IGF2BP3: variants seen among roughly 807,000 people sequenced by gnomAD.
IGF2BP3 encodes insulin-like growth factor 2 mRNA-binding protein 3.
A neutral mutation model predicts 73.8 loss-of-function variants in IGF2BP3; 9 were observed. The ratio of observed to expected loss-of-function variants is 0.12; its 90% CI spans 0.07 to 0.21. The LOEUF (loss-of-function observed/expected upper bound fraction) is 0.21. IGF2BP3 is among the 10% of genes least tolerant of loss of function. The pLI is 1.00. For missense variants in IGF2BP3, 542 were observed against 714.0 expected (o/e 0.76, Z 2.75); for synonymous variants, 258 against 256.7 (o/e 1.01, Z -0.05).
intron 11 of IGF2BP3, 42 bp from the exon 12 acceptor site, chr7:23,317,755 CACTG>C: frequency 6.6e-7 from 1 of 1,515,480 alleles, no homozygotes; most frequent in Non-Finnish European, 9.2e-7. Flanking sequence ...TTTCAGGTAT[CACTG>C]ATAGGCATCT....
chr7:23,368,224 A>C (rs997523729), intron 3 of IGF2BP3, among the ~76,000 whole-genome samples: 7 of 152,114 alleles, frequency 4.6e-5, no homozygotes, highest in Non-Finnish European at 8.8e-5. Context: ...ATTCAACCAT[A>C]AAAGGGAGGT....
intron 3 of IGF2BP3, among the ~76,000 whole-genome samples, chr7:23,395,232 T>C (rs560841366): frequency 6.6e-6 from 1 of 152,206 alleles, no homozygotes; most frequent in South Asian, 2.1e-4. Flanking sequence ...AGTATTATGA[T>C]CAACTACTAT....
intron 12 of IGF2BP3, among the ~76,000 whole-genome samples, chr7:23,317,371 A>C (rs1223540401): frequency 6.6e-6 from 1 of 152,244 alleles, no homozygotes; most frequent in Non-Finnish European, 1.5e-5. Context: ...GTAAATTTTA[A>C]GGTCTCACCT....
At chr7:23,378,122 T>A (rs1366522719) in intron 3 of IGF2BP3, among the ~76,000 whole-genome samples, 1 of 152,118 alleles carries the variant, frequency 6.6e-6, no homozygotes, top group Non-Finnish European at 1.5e-5. Context: ...GTTCGATTTT[T>A]AAAAAAATTA....
chr7:23,331,985 GGAGA>G (rs1016971197), intron 10 of IGF2BP3, among the ~76,000 whole-genome samples: 1 of 151,820 alleles, frequency 6.6e-6, no homozygotes, highest in Non-Finnish European at 1.5e-5. Flanking sequence ...GCGGCAGGAG[GGAGA>G]GAGAGAGAGT....
intron 2 of IGF2BP3, among the ~76,000 whole-genome samples, chr7:23,429,109 G>T (rs774828466): frequency 2.6e-5 from 4 of 152,150 alleles, no homozygotes; most frequent in Non-Finnish European, 5.9e-5. Flanking sequence ...ACTACAATCT[G>T]GTCACTAGAG....
chr7:23,319,336 C>T (rs1784074824), intron 10 of IGF2BP3, 82 bp from the exon 11 acceptor site: 2 of 840,844 alleles, frequency 2.4e-6, no homozygotes, highest in Non-Finnish European at 1.9e-6. Context: ...GGAAGGACAC[C>T]TTCTCATGCA....
At chr7:23,330,309 A>G (rs9718991) in intron 10 of IGF2BP3, among the ~76,000 whole-genome samples, 1 of 148,798 alleles carries the variant, frequency 6.7e-6, no homozygotes, top group Non-Finnish European at 1.5e-5. Flanking sequence ...AAAATAATGT[A>G]TAATATTTAT....
chr7:23,331,213 G>T (rs966037167), intron 10 of IGF2BP3, among the ~76,000 whole-genome samples: 8 of 152,190 alleles, frequency 5.3e-5, no homozygotes, highest in African/African-American at 1.9e-4. Flanking sequence ...TTGGGACCAT[G>T]ATGATTTGGA....
At chr7:23,464,512 G>GT (rs746995283) in intron 2 of IGF2BP3, among the ~76,000 whole-genome samples, 38 of 151,838 alleles carry the variant, frequency 2.5e-4, no homozygotes, top group Non-Finnish European at 4.6e-4. Context: ...ACCACAGTCT[G>GT]TTTTAAAAGA....
At chr7:23,451,959 A>G (rs1788209369) in intron 2 of IGF2BP3, among the ~76,000 whole-genome samples, 1 of 150,344 alleles carries the variant, frequency 6.7e-6, no homozygotes, top group African/African-American at 2.4e-5. Flanking sequence ...AAAAAGGAAT[A>G]TATGGTTAGA....
intron 2 of IGF2BP3, among the ~76,000 whole-genome samples, chr7:23,453,800 G>A (rs190993227): frequency 1.8e-4 from 27 of 152,130 alleles, no homozygotes; most frequent in Admixed American, 3.3e-4. Context: ...TGTCATTATC[G>A]TTGGCACTTC....
intron 2 of IGF2BP3, among the ~76,000 whole-genome samples, chr7:23,464,689 A>T (rs11769151): frequency 0.18 from 27,758 of 150,712 alleles, 2,785 homozygotes; most frequent in South Asian, 0.26. Flanking sequence ...ATCTTAAAAA[A>T]AAATAAATAA....
chr7:23,317,758 T>G, intron 11 of IGF2BP3, 45 bp from the exon 12 acceptor site: 1 of 1,490,828 alleles, frequency 6.7e-7, no homozygotes, highest in Non-Finnish European at 9.4e-7. Context: ...CAGGTATCAC[T>G]GATAGGCATC....
chr7:23,425,280 A>G (rs1357653354), intron 2 of IGF2BP3, among the ~76,000 whole-genome samples: 1 of 152,278 alleles, frequency 6.6e-6, no homozygotes, highest in Non-Finnish European at 1.5e-5. Context: ...GTAGTGGTCC[A>G]AAGTCATAAA....
chr7:23,319,331 G>T (rs1784074692), intron 10 of IGF2BP3, 77 bp from the exon 11 acceptor site: 1 of 902,706 alleles, frequency 1.1e-6, no homozygotes, highest in Non-Finnish European at 1.8e-6. Flanking sequence ...CTTTAGGAAG[G>T]ACACCTTCTC....
intron 3 of IGF2BP3, among the ~76,000 whole-genome samples, chr7:23,392,068 G>A (rs577708301): frequency 1.3e-5 from 2 of 152,188 alleles, no homozygotes; most frequent in African/African-American, 2.4e-5. Context: ...GGTGTCACCC[G>A]CTACACACCC....
chr7:23,315,501 C>CGTAT (rs1394236041), intron 12 of IGF2BP3, among the ~76,000 whole-genome samples: 3 of 152,140 alleles, frequency 2.0e-5, no homozygotes, highest in African/African-American at 7.2e-5. Flanking sequence ...CTATTACATA[C>CGTAT]AGCAAAGCAG....
chr7:23,451,121 A>G (rs904349413), intron 2 of IGF2BP3, among the ~76,000 whole-genome samples: 1 of 152,326 alleles, frequency 6.6e-6, no homozygotes, highest in Admixed American at 6.5e-5. Flanking sequence ...GTTCTCTTTT[A>G]TAAGAGTGTT....
Sources: gnomAD v4.1 joint callset for allele counts (sites outside exome capture counted in the v4.1 genomes callset) on GRCh38, gnomAD v4.1.1 for gene constraint, MANE v1.5 for transcripts, NCBI Gene and HGNC (gene_info 2026-07-23, HGNC 2026-07-21) for gene names.